Variants in ATP6V0A4 observed in about 807,000 individuals in gnomAD.
ATP6V0A4 encodes ATPase H+ transporting V0 subunit a4, also known as V-type proton ATPase 116 kDa subunit a 4.
In ATP6V0A4, 86 loss-of-function variants were observed where a neutral mutation model predicts 107.3. The ratio of observed to expected loss-of-function variants is 0.80; its 90% CI spans 0.67 to 0.96. The LOEUF (loss-of-function observed/expected upper bound fraction) is 0.96, where lower values mean the gene tolerates loss of function less well. ATP6V0A4 is among the 40% of genes least tolerant of loss of function. The probability of loss-of-function intolerance (pLI) is 0.00; values close to 1 mark genes in which losing one functional copy is unlikely to be tolerated. For missense variants in ATP6V0A4, 908 were observed against 1,045.6 expected (o/e 0.87, Z 1.81); for synonymous variants, 353 against 381.4 (o/e 0.93, Z 0.87).
At chr7:138,713,452 T>A (rs1803856753) in intron 20 of ATP6V0A4, among the ~76,000 whole-genome samples, 1 of 151,620 alleles carries the variant, frequency 6.6e-6, no homozygotes, top group Non-Finnish European at 1.5e-5. Flanking sequence ...AGTACTGGAG[T>A]TTCGTTTCTA....
At chr7:138,726,211 G>T (rs866551247) in intron 18 of ATP6V0A4, among the ~76,000 whole-genome samples, 2 of 151,900 alleles carry the variant, frequency 1.3e-5, no homozygotes, top group South Asian at 4.1e-4. Flanking sequence ...GGATGGTCTC[G>T]ATCTCCTGAC....
chr7:138,707,562 C>T (rs2117172412), intron 21 of ATP6V0A4, among the ~76,000 whole-genome samples: 1 of 149,310 alleles, frequency 6.7e-6, no homozygotes, highest in Middle Eastern at 3.5e-3. Flanking sequence ...CCACCATGCC[C>T]AGCTAATTTT....
Position 138,774,307 on chromosome 7 carries a change from C to A in ATP6V0A4, c.-17-3043G>T, listed in dbSNP as rs577746985. Among the ~76,000 whole-genome samples the A allele has an allele frequency of 7.5e-4, 114 of 151,362 alleles. 2 individuals carry two copies. Among genetic ancestry groups the A allele is most frequent in the African/African-American group, 2.7e-3 (112 of 40,770 alleles). On this transcript the variant is annotated intron_variant, in intron 2 of 21. Transcript: ENST00000310018. ...AAAAATAATTTTGGGGGCCGGGCGC[C>A]GTGGCTCACGCCGGTAATTCCAGCA...
chr7:138,745,102 C>T (rs749165180), intron 14 of ATP6V0A4, 21 bp downstream of exon 14: 1 of 1,600,762 alleles, frequency 6.2e-7, no homozygotes, highest in Admixed American at 1.7e-5. Context: ...GCGACTACAC[C>T]ATCTCTGTCT....
chr7:138,781,670 A>C (rs552216231), intron 2 of ATP6V0A4, among the ~76,000 whole-genome samples: 6 of 151,870 alleles, frequency 4.0e-5, no homozygotes, highest in Non-Finnish European at 8.8e-5. Flanking sequence ...TCATCTGTGA[A>C]TAAAATTTTA....
At chr7:138,796,229 G>C (rs144427774) in intron 1 of ATP6V0A4, among the ~76,000 whole-genome samples, 7 of 152,210 alleles carry the variant, frequency 4.6e-5, no homozygotes, top group African/African-American at 1.7e-4. Flanking sequence ...CACACCGAGA[G>C]CCTGGCCTGG....
chr7:138,734,597 C>T lies in ATP6V0A4; in HGVS notation c.1573-343G>A, dbSNP rs6963404. On this transcript the variant is annotated intron_variant, in intron 15 of 21. Coordinates refer to ENST00000310018, the MANE Select transcript of ATP6V0A4 (RefSeq NM_020632.3). ...TTCGAGACCAGTCTGGTCAACCTGG[C>T]GAAACCCTGTCTCTACACCAAAATA... is the stretch of plus-strand genomic sequence containing the variant. Among the ~76,000 whole-genome samples, 105,187 of 151,656 alleles carry T rather than the reference C, an allele frequency of 0.69. 36,906 individuals are homozygous for T. The highest frequency in any genetic ancestry group is 0.81 in the East Asian group (4,182 of 5,132).
intron 10 of ATP6V0A4, 52 bp downstream of exon 10, chr7:138,755,637 G>A: frequency 6.2e-7 from 1 of 1,609,200 alleles, no homozygotes; most frequent in African/African-American, 1.3e-5. Flanking sequence ...AAACAGCAGA[G>A]GCAGCCCTCC....
chr7:138,706,979 C>T lies in ATP6V0A4; in HGVS notation c.2430-262G>A, dbSNP rs140561540. On this transcript the variant is annotated intron_variant, in intron 21 of 21. Coordinates refer to ENST00000310018, the MANE Select transcript of ATP6V0A4 (RefSeq NM_020632.3). ...CGTGATCTTGGCTCACTATAACCTC[C>T]GCCTCTCAGGTTCAAGAGAGATTCT... 4.2e-3 allele frequency among the ~76,000 whole-genome samples: 583 copies of T among 138,524 alleles called. 7 individuals are homozygous for T. Among genetic ancestry groups the T allele is most frequent in the South Asian group, 0.026 (114 of 4,360 alleles). 90.9% of individuals were successfully genotyped at this position (138,524 alleles called of 152,430 possible). A position where few individuals can be genotyped will look rare whatever the true frequency, so the allele number is the denominator to read the frequency against.
At chr7:138,782,484 C>T (rs954649459) in intron 2 of ATP6V0A4, among the ~76,000 whole-genome samples, 3 of 152,196 alleles carry the variant, frequency 2.0e-5, no homozygotes, top group African/African-American at 7.2e-5. Context: ...TGGAATGGGG[C>T]AGCACACTTC....
intron 2 of ATP6V0A4, among the ~76,000 whole-genome samples, chr7:138,779,598 A>T (rs553082393): frequency 1.8e-4 from 27 of 152,144 alleles, no homozygotes; most frequent in Non-Finnish European, 3.1e-4. Flanking sequence ...CTCTTAAACC[A>T]CACTTAATCT....
At chr7:138,770,126 C>T (rs146765513) in intron 3 of ATP6V0A4, among the ~76,000 whole-genome samples, 2,420 of 151,812 alleles carry the variant, frequency 0.016, 26 homozygotes, top group Non-Finnish European at 0.025. Context: ...TTAACAGTGT[C>T]CTTTCACTTT....
chr7:138,719,583 G>A (rs1043533836), intron 19 of ATP6V0A4, among the ~76,000 whole-genome samples: 1 of 152,180 alleles, frequency 6.6e-6, no homozygotes, highest in African/African-American at 2.4e-5. Context: ...ACCGGCCTAG[G>A]CTGGCGATTC....
At chr7:138,748,542 G>A (rs1329354604) in intron 12 of ATP6V0A4, among the ~76,000 whole-genome samples, 1 of 152,038 alleles carries the variant, frequency 6.6e-6, no homozygotes, top group African/African-American at 2.4e-5. Context: ...GAGTAGCTGG[G>A]ATTACAGCTG....
At chr7:138,792,363 T>C (rs1808456739) in intron 1 of ATP6V0A4, among the ~76,000 whole-genome samples, 1 of 152,218 alleles carries the variant, frequency 6.6e-6, no homozygotes, top group South Asian at 2.1e-4. Context: ...AATATTAGAC[T>C]TTGATATGTT....
chr7:138,718,655 C>G (rs1804261682), intron 19 of ATP6V0A4, among the ~76,000 whole-genome samples: 1 of 46,760 alleles, frequency 2.1e-5, no homozygotes, highest in African/African-American at 9.2e-5. Flanking sequence ...CGGAGGGAGA[C>G]GTCCAGGAAG....
At chr7:138,719,342 G>A (rs941827675) in intron 19 of ATP6V0A4, among the ~76,000 whole-genome samples, 1 of 152,122 alleles carries the variant, frequency 6.6e-6, no homozygotes, top group Non-Finnish European at 1.5e-5. Flanking sequence ...TCGTTTATGC[G>A]AATGCAGTGG....
chr7:138,726,059 G>A (rs1018892603), intron 18 of ATP6V0A4, among the ~76,000 whole-genome samples: 10 of 151,588 alleles, frequency 6.6e-5, no homozygotes, highest in Non-Finnish European at 7.4e-5. Flanking sequence ...GTGCAATTTC[G>A]GCTCACTGCA....
chr7:138,770,651 C>T (rs1325554892), intron 3 of ATP6V0A4, among the ~76,000 whole-genome samples: 1 of 152,166 alleles, frequency 6.6e-6, no homozygotes, highest in Non-Finnish European at 1.5e-5. Flanking sequence ...AATGATACCC[C>T]CATGTCATAC....
Sources: gnomAD v4.1 joint callset for allele counts (sites outside exome capture counted in the v4.1 genomes callset) on GRCh38, gnomAD v4.1.1 for gene constraint, MANE v1.5 for transcripts, NCBI Gene and HGNC (gene_info 2026-07-23, HGNC 2026-07-21) for gene names.